The following ZRANB3 variants were observed in gnomAD, a reference collection of about 807,000 sequenced individuals.
ZRANB3 encodes DNA annealing helicase and endonuclease ZRANB3.
In ZRANB3, 125 loss-of-function variants were observed where a neutral mutation model predicts 133.8. That is an observed-to-expected ratio of 0.93 (90% CI 0.81 to 1.08). The LOEUF is 1.08. Ranked by LOEUF, ZRANB3 falls within the 50% of genes least tolerant of loss-of-function variation. The pLI is 0.00. For missense variants in ZRANB3, 1,229 were observed against 1,275.5 expected, an observed-to-expected ratio of 0.96 and a Z score of 0.56; for synonymous variants, 387 against 432.7, an observed-to-expected ratio of 0.89 and a Z score of 1.31.
intron 2 of ZRANB3, among the ~76,000 whole-genome samples, chr2:135,462,261 G>A (rs10184503): frequency 0.077 from 11,757 of 152,144 alleles, 1,510 homozygotes; most frequent in African/African-American, 0.27. Flanking sequence ...TACTTCAGTT[G>A]ATTGTAAGTA....
intron 2 of ZRANB3, among the ~76,000 whole-genome samples, chr2:135,405,354 C>G (rs1166110523): frequency 6.6e-6 from 1 of 152,142 alleles, no homozygotes; most frequent in Non-Finnish European, 1.5e-5. Flanking sequence ...GACTTAGACT[C>G]ACACACAATA....
chr2:135,431,430 G>C (rs1166034457), intron 2 of ZRANB3, among the ~76,000 whole-genome samples: 3 of 151,736 alleles, frequency 2.0e-5, no homozygotes, highest in African/African-American at 7.2e-5. Flanking sequence ...TTGTGATCTT[G>C]AGTTAGGCTT....
intron 2 of ZRANB3, among the ~76,000 whole-genome samples, chr2:135,475,398 T>C (rs1016077915): frequency 6.6e-6 from 1 of 152,220 alleles, no homozygotes; most frequent in African/African-American, 2.4e-5. Context: ...TATTCATAAA[T>C]ATGTAAATAA....
chr2:135,412,467 C>T (rs1558981842), intron 2 of ZRANB3, among the ~76,000 whole-genome samples: 1 of 152,016 alleles, frequency 6.6e-6, no homozygotes, highest in African/African-American at 2.4e-5. Flanking sequence ...ACCTGGCTTA[C>T]TTTTTGTTGC....
chr2:135,349,654 T>C (rs1010726763), intron 5 of ZRANB3, among the ~76,000 whole-genome samples: 4 of 152,102 alleles, frequency 2.6e-5, no homozygotes, highest in Non-Finnish European at 5.9e-5. Flanking sequence ...AAGCTTATAA[T>C]GTAAAATAGG....
chr2:135,483,527 G>A (rs1414965715), intron 2 of ZRANB3, among the ~76,000 whole-genome samples: 2 of 152,048 alleles, frequency 1.3e-5, no homozygotes, highest in African/African-American at 2.4e-5. Context: ...AGTATTGCTA[G>A]TGGTCTATCA....
At chr2:135,260,245 T>G (rs1679890797) in intron 12 of ZRANB3, among the ~76,000 whole-genome samples, 1 of 152,062 alleles carries the variant, frequency 6.6e-6, no homozygotes, top group African/African-American at 2.4e-5. Flanking sequence ...TACTTAGAAG[T>G]CAGACACATT....
chr2:135,446,136 G>GCT (rs1437040332), intron 2 of ZRANB3, among the ~76,000 whole-genome samples: 2 of 151,552 alleles, frequency 1.3e-5, no homozygotes, highest in Non-Finnish European at 2.9e-5. Context: ...AACCCAGGAG[G>GCT]CAGAGGTTGC....
At chr2:135,298,130 A>T (rs1367594672) in intron 8 of ZRANB3, among the ~76,000 whole-genome samples, 2 of 152,124 alleles carry the variant, frequency 1.3e-5, no homozygotes, top group Non-Finnish European at 2.9e-5. Context: ...GGGGAGGCTG[A>T]GGCATGATAA....
chr2:135,232,198 C>T (rs1314869245), intron 12 of ZRANB3, among the ~76,000 whole-genome samples: 1 of 152,172 alleles, frequency 6.6e-6, no homozygotes. Flanking sequence ...TCATTGCTAG[C>T]ACAGCAGTCT....
intron 3 of ZRANB3, among the ~76,000 whole-genome samples, chr2:135,373,719 C>T (rs974132552): frequency 2.8e-5 from 4 of 144,892 alleles, no homozygotes; most frequent in East Asian, 2.1e-4. Context: ...ACACAGGAGA[C>T]GGAGGTTGCA....
intron 4 of ZRANB3, among the ~76,000 whole-genome samples, chr2:135,352,921 C>G (rs1443587252): frequency 1.3e-5 from 2 of 152,106 alleles, no homozygotes; most frequent in African/African-American, 4.8e-5. Context: ...AATACTAACA[C>G]TATAACAGAT....
At chr2:135,210,926 G>A (rs1694071451) in intron 17 of ZRANB3, among the ~76,000 whole-genome samples, 1 of 152,074 alleles carries the variant, frequency 6.6e-6, no homozygotes, top group Non-Finnish European at 1.5e-5. Flanking sequence ...CTACTCAGGA[G>A]GCTGAGGCAG....
In ZRANB3 at chr2:135,353,344, C is replaced by G. The variant is rs1350427088; in HGVS notation, c.359+106G>C. On this transcript the variant is annotated intron_variant, in intron 4 of 20. Coordinates refer to ENST00000264159, the MANE Select transcript of ZRANB3 (RefSeq NM_032143.4). Reference sequence around the variant, plus strand: ...AAAATTCTCCATACTACTTACTCCACTTCTAAATTATTATCTATTGGTGAT... The same window carrying G: ...AAAATTCTCCATACTACTTACTCCAGTTCTAAATTATTATCTATTGGTGAT... 3 of 698,460 alleles carry G rather than the reference C, an allele frequency of 4.3e-6. No individual in the cohort carries two copies. The African/African-American group carries it at 5.6e-5, about 13-fold the overall frequency. 43.3% of individuals were successfully genotyped at this position (698,460 alleles called of 1,614,324 possible). A position where few individuals can be genotyped will look rare whatever the true frequency, so the allele number is the denominator to read the frequency against.
chr2:135,250,987 C>A (rs894160921), intron 12 of ZRANB3, among the ~76,000 whole-genome samples: 5 of 152,154 alleles, frequency 3.3e-5, no homozygotes, highest in Non-Finnish European at 7.4e-5. Flanking sequence ...CCTGGAAAAG[C>A]CATAGACACT....
Position 135,336,426 on chromosome 2 carries a change from T to C in ZRANB3, c.677+9124A>G, listed in dbSNP as rs181128865. Among the ~76,000 whole-genome samples the C allele has an allele frequency of 2.9e-3, 448 of 152,328 alleles. 4 individuals are homozygous for C. Among genetic ancestry groups the C allele is most frequent in the Non-Finnish European group, 1.8e-3 (123 of 68,022 alleles). On this transcript the variant is annotated intron_variant, in intron 6 of 20. Transcript: ENST00000264159. ...AAATTATAGTGTGAAAATGACACCTTCACAGAATCAAAACATTATGGAAAA... is the reference window on the plus strand; with the variant it reads ...AAATTATAGTGTGAAAATGACACCTCCACAGAATCAAAACATTATGGAAAA...
At chr2:135,479,017 C>T (rs1559025637) in intron 2 of ZRANB3, among the ~76,000 whole-genome samples, 11 of 151,774 alleles carry the variant, frequency 7.2e-5, no homozygotes. Flanking sequence ...GTAGACACTG[C>T]CAAACAGTTT....
chr2:135,444,280 T>C lies in ZRANB3; in HGVS notation c.162-53460A>G, dbSNP rs556234303. Among the ~76,000 whole-genome samples, 4 of 152,308 alleles carry C rather than the reference T, an allele frequency of 2.6e-5. No homozygotes were observed. The East Asian group carries it at 7.7e-4, about 29-fold the overall frequency. The stretch of plus-strand genomic sequence containing the variant: ...CAGTAATCCTACTCTTAGTTTTTCA[T>C]GCCAGAGAAATGAAAACAAATATCC... On this transcript the variant is annotated intron_variant, in intron 2 of 20. Transcript: ENST00000264159.
chr2:135,265,200 T>C (rs566749356), intron 12 of ZRANB3, among the ~76,000 whole-genome samples: 1 of 152,368 alleles, frequency 6.6e-6, no homozygotes, highest in African/African-American at 2.4e-5. Context: ...GATTTCGATA[T>C]ACTCAAATAT....
Sources: gnomAD v4.1 joint callset for allele counts (sites outside exome capture counted in the v4.1 genomes callset) on GRCh38, gnomAD v4.1.1 for gene constraint, MANE v1.5 for transcripts, NCBI Gene and HGNC (gene_info 2026-07-23, HGNC 2026-07-21) for gene names.